Variants in SHISA9 observed in about 807,000 individuals in gnomAD.
The protein encoded by SHISA9 is protein shisa-9.
SHISA9 carries 13 observed loss-of-function variants against 38.0 expected under a neutral mutation model. The ratio of observed to expected loss-of-function variants is 0.34; its 90% CI spans 0.22 to 0.54. The LOEUF (loss-of-function observed/expected upper bound fraction) is 0.54. SHISA9 is among the 20% of genes least tolerant of loss of function. The pLI, the probability that SHISA9 is intolerant of heterozygous loss-of-function variation, is 0.91. For missense variants in SHISA9, 538 were observed against 575.8 expected, an observed-to-expected ratio of 0.93 and a Z score of 0.67; for synonymous variants, 275 against 242.0, an observed-to-expected ratio of 1.14 and a Z score of -1.27.
At chr16:13,147,518 C>T (rs1475716043) in intron 2 of SHISA9, among the ~76,000 whole-genome samples, 2 of 127,790 alleles carry the variant, frequency 1.6e-5, no homozygotes, top group Admixed American at 2.0e-4. Flanking sequence ...GGCTGGAGTG[C>T]AATGGCGTGA....
At chr16:13,100,428 G>C (rs2073867187) in intron 2 of SHISA9, among the ~76,000 whole-genome samples, 2 of 152,184 alleles carry the variant, frequency 1.3e-5, no homozygotes, top group African/African-American at 4.8e-5. Context: ...CACACAGGAG[G>C]ACTCTGTGGT....
At chr16:13,265,183 C>T in the SHISA9 span, among the ~76,000 whole-genome samples, 1 of 123,346 alleles carries the variant, frequency 8.1e-6, no homozygotes, top group Non-Finnish European at 1.7e-5. Context: ...CCTCCTCTTC[C>T]CACTCCCTCC....
chr16:13,033,651 A>G (rs928397151), intron 2 of SHISA9, among the ~76,000 whole-genome samples: 1 of 152,202 alleles, frequency 6.6e-6, no homozygotes, highest in Non-Finnish European at 1.5e-5. Context: ...TATTGTATCA[A>G]TAAACTGCCA....
At chr16:13,029,660 A>G (rs1172609813) in intron 2 of SHISA9, among the ~76,000 whole-genome samples, 1 of 152,232 alleles carries the variant, frequency 6.6e-6, no homozygotes, top group Non-Finnish European at 1.5e-5. Flanking sequence ...CATGGATGGA[A>G]CTAGAGATCA....
chr16:13,136,076 G>C (rs577396705), intron 2 of SHISA9, among the ~76,000 whole-genome samples: 1 of 152,224 alleles, frequency 6.6e-6, no homozygotes, highest in South Asian at 2.1e-4. Flanking sequence ...TCTGAAGTCT[G>C]GTTCTTTGTT....
At chr16:13,435,780 C>T in the SHISA9 span, among the ~76,000 whole-genome samples, 1 of 152,146 alleles carries the variant, frequency 6.6e-6, no homozygotes, top group Non-Finnish European at 1.5e-5. Context: ...ATCTCAAATC[C>T]TCTCCCTGAA....
At chr16:13,060,659 A>AAAAC (rs1567198462) in intron 2 of SHISA9, among the ~76,000 whole-genome samples, 8 of 128,904 alleles carry the variant, frequency 6.2e-5, no homozygotes, top group Admixed American at 4.8e-4. Flanking sequence ...AAAAAAAAAA[A>AAAAC]AACACTCAAA....
chr16:13,422,000 A>AT, the SHISA9 span, among the ~76,000 whole-genome samples: 1 of 152,198 alleles, frequency 6.6e-6, no homozygotes, highest in African/African-American at 2.4e-5. Flanking sequence ...TGCATCCTCT[A>AT]ATATAAATGG....
intron 2 of SHISA9, among the ~76,000 whole-genome samples, chr16:13,020,013 C>CCTTCCT (rs1567184383): frequency 3.5e-4 from 19 of 53,750 alleles, no homozygotes; most frequent in African/African-American, 1.2e-3. Context: ...CCTTCCTTCC[C>CCTTCCT]TCCTTCCTTC....
chr16:13,027,102 T>C (rs536689347), intron 2 of SHISA9, among the ~76,000 whole-genome samples: 2 of 152,334 alleles, frequency 1.3e-5, no homozygotes, highest in South Asian at 4.1e-4. Flanking sequence ...AACGAAAACT[T>C]TGGGGATCCC....
intron 2 of SHISA9, among the ~76,000 whole-genome samples, chr16:12,973,031 G>A (rs192973301): frequency 5.3e-5 from 8 of 152,094 alleles, no homozygotes; most frequent in Non-Finnish European, 7.4e-5. Flanking sequence ...CAGGAGAATC[G>A]CTTGAACCTG....
At chr16:13,259,398 G>C in the SHISA9 span, among the ~76,000 whole-genome samples, 1 of 152,176 alleles carries the variant, frequency 6.6e-6, no homozygotes, top group African/African-American at 2.4e-5. Context: ...CATAGTGCAA[G>C]GTGTCAGTGG....
chr16:13,330,707 A>T, the SHISA9 span, among the ~76,000 whole-genome samples: 1 of 152,292 alleles, frequency 6.6e-6, no homozygotes, highest in African/African-American at 2.4e-5. Flanking sequence ...GCTGCACCAC[A>T]ATTTAAGCAA....
the SHISA9 span, among the ~76,000 whole-genome samples, chr16:13,251,470 G>A: frequency 1.3e-5 from 2 of 152,142 alleles, no homozygotes; most frequent in Non-Finnish European, 2.9e-5. Flanking sequence ...AAGTGTGAGA[G>A]GGTTAACACA....
intron 2 of SHISA9, among the ~76,000 whole-genome samples, chr16:13,104,572 A>G (rs984309217): frequency 2.0e-5 from 3 of 152,226 alleles, no homozygotes; most frequent in African/African-American, 7.2e-5. Flanking sequence ...CCTCAATAAC[A>G]GTATGCTAAA....
the SHISA9 span, chr16:13,258,328 T>A: frequency 1.3e-5 from 2 of 152,210 alleles, no homozygotes; most frequent in Admixed American, 6.5e-5. Flanking sequence ...AACTTAACTT[T>A]TCAGGGTCTT....
chr16:13,028,720 TC>T, intron 2 of SHISA9, among the ~76,000 whole-genome samples: 1 of 152,224 alleles, frequency 6.6e-6, no homozygotes, highest in South Asian at 2.1e-4. Context: ...AGCTCAGCAA[TC>T]CCCATGGAGA....
At chr16:13,221,651 A>G (rs2051227197) in intron 4 of SHISA9, among the ~76,000 whole-genome samples, 2 of 152,170 alleles carry the variant, frequency 1.3e-5, no homozygotes, top group African/African-American at 4.8e-5. Flanking sequence ...CCTATCATAC[A>G]ATTCACCCAT....
chr16:12,957,147 C>T (rs2071847099), intron 2 of SHISA9, among the ~76,000 whole-genome samples: 1 of 152,266 alleles, frequency 6.6e-6, no homozygotes, highest in Non-Finnish European at 1.5e-5. Context: ...GCTGCTTTGT[C>T]ATTGGTGACT....
Sources: gnomAD v4.1 joint callset for allele counts (sites outside exome capture counted in the v4.1 genomes callset) on GRCh38, gnomAD v4.1.1 for gene constraint, MANE v1.5 for transcripts, NCBI Gene and HGNC (gene_info 2026-07-23, HGNC 2026-07-21) for gene names.